Variants in PLCG1 observed in about 807,000 individuals in gnomAD.
PLCG1 encodes 1-phosphatidylinositol 4,5-bisphosphate phosphodiesterase gamma-1.
In PLCG1, 71 loss-of-function variants were observed where a neutral mutation model predicts 177.8. The ratio of observed to expected loss-of-function variants is 0.40; its 90% CI spans 0.33 to 0.49. The LOEUF is 0.49. PLCG1 is among the 20% of genes least tolerant of loss of function. The probability of loss-of-function intolerance (pLI) is 0.72; values close to 1 mark genes in which losing one functional copy is unlikely to be tolerated. For missense variants in PLCG1, 1,281 were observed against 1,709.0 expected, an observed-to-expected ratio of 0.75 and a Z score of 4.42; for synonymous variants, 658 against 647.9, an observed-to-expected ratio of 1.02 and a Z score of -0.24.
At position 41,175,741 on chromosome 20, in the gene PLCG1, T is replaced by C. The variant is rs1330212797; in HGVS notation, c.*1232T>C. 2 of 152,628 alleles carry C rather than the reference T, an allele frequency of 1.3e-5. No homozygotes were observed. The highest frequency in any genetic ancestry group is 4.8e-5 in the African/African-American group (2 of 41,454). The allele number at this position is 152,628 out of a possible 1,614,324, so 9.5% of individuals were successfully genotyped here. A position where few individuals can be genotyped will look rare whatever the true frequency, so the allele number is the denominator to read the frequency against. On this transcript the variant is annotated 3_prime_UTR_variant, in exon 32 of 32. Transcript: ENST00000685551. The stretch of plus-strand genomic sequence containing the variant: ...TTTTTCCTTTGACTTGTATGCTCTT[T>C]CGGGGGCTCAGGAAAGCCTGTTGCA...
At chr20:41,171,586 C>CAAAAA (rs71844995) in intron 24 of PLCG1, among the ~76,000 whole-genome samples, 13 of 64,090 alleles carry the variant, frequency 2.0e-4, no homozygotes, top group East Asian at 5.1e-4. Flanking sequence ...GACTCTGTCT[C>CAAAAA]AAAAAAAAAA....
In PLCG1 at chr20:41,160,970, C is replaced by G. The variant is rs927746444; in HGVS notation, c.512+817C>G. ...AAGTTTTCTGATGCCTATTAGCTGT[C>G]CAGGGAGAGATGTTGAGTAGGCAGG... On this transcript the variant is annotated intron_variant, in intron 4 of 31. Coordinates refer to ENST00000685551, the MANE Select transcript of PLCG1 (RefSeq NM_002660.3). The surrounding 1 kb of genome is among the most constrained non-coding windows in gnomAD (Gnocchi z 5.5). 9.9e-5 allele frequency among the ~76,000 whole-genome samples: 15 copies of G among 152,160 alleles called. No homozygotes were observed. Among genetic ancestry groups the G allele is most frequent in the Non-Finnish European group, 1.8e-4 (12 of 68,008 alleles).
Position 41,156,428 on chromosome 20 carries a change from G to T in PLCG1, c.218-3178G>T, listed in dbSNP as rs1454233581. ...GCTGCAGCCCTGATGGGCTGTGCTG[G>T]CTGGGCTTTGCCTTCTTGGGTCAAG... On this transcript the variant is annotated intron_variant, in intron 1 of 31. Coordinates refer to ENST00000685551, the MANE Select transcript of PLCG1 (RefSeq NM_002660.3). The surrounding 1 kb of genome is among the most constrained non-coding windows in gnomAD (Gnocchi z 5.0). 2.0e-5 allele frequency among the ~76,000 whole-genome samples: 3 copies of T among 152,194 alleles called. No homozygotes were observed. The highest frequency in any genetic ancestry group is 4.8e-5 in the African/African-American group (2 of 41,446).
rs1381807132 is a variant in PLCG1 at position 41,176,788 on chromosome 20, T to TTGA, written c.*2281_*2283dup. 2 of 151,488 alleles carry TTGA rather than the reference T, an allele frequency of 1.3e-5. No homozygotes were observed. The highest frequency in any genetic ancestry group is 4.8e-5 in the African/African-American group (2 of 41,334). The allele number at this position is 151,488 out of a possible 1,614,324, so 9.4% of individuals were successfully genotyped here. On this transcript the variant is annotated 3_prime_UTR_variant, in exon 32 of 32. Coordinates refer to ENST00000685551, the MANE Select transcript of PLCG1 (RefSeq NM_002660.3). ...AAGATTCCTCCAGACCTGACAAATG[T>TTGA]TGATTGACCCAGAAGGCAGAGTGTT...
rs2035081396 is a variant in PLCG1, at chr20:41,148,997, G to A, written c.218-10609G>A. Among the ~76,000 whole-genome samples the A allele has an allele frequency of 6.6e-6, 1 of 152,186 alleles. No individual in the cohort carries two copies. The highest frequency in any genetic ancestry group is 2.1e-4 in the South Asian group (1 of 4,834). On this transcript the variant is annotated intron_variant, in intron 1 of 31. Transcript: ENST00000685551. This position sits in a 1 kb window ranked among gnomAD's most constrained non-coding sequence, Gnocchi z 4.3. ...GGGACCCTAATACTTACTTCATAGTGTTATTTGCAAGTATAAAATATAAGG... is the reference window on the plus strand; with the variant it reads ...GGGACCCTAATACTTACTTCATAGTATTATTTGCAAGTATAAAATATAAGG...
intron 4 of PLCG1, among the ~76,000 whole-genome samples, chr20:41,161,557 C>G (rs1039177835): frequency 6.6e-6 from 1 of 152,138 alleles, no homozygotes; most frequent in African/African-American, 2.4e-5. Context: ...CCTGATAGCA[C>G]CTACCTCCTG....
chr20:41,169,212 T>G, intron 22 of PLCG1, 37 bp downstream of exon 22: 1 of 1,411,792 alleles, frequency 7.1e-7, no homozygotes, highest in Non-Finnish European at 1.0e-6. Context: ...GCATTCCCTA[T>G]TCCCAGATTC....
chr20:41,162,609 G>A lies in PLCG1; in HGVS notation c.598-33G>A, dbSNP rs41277000. On this transcript the variant is annotated intron_variant, in intron 5 of 31. Coordinates refer to ENST00000685551, the MANE Select transcript of PLCG1 (RefSeq NM_002660.3). ...GAGCCCTTCAGCTGGGGGCCTGACTGCCTGACTGGCACTCCTGCTCTATAC... is the reference window on the plus strand; with the variant it reads ...GAGCCCTTCAGCTGGGGGCCTGACTACCTGACTGGCACTCCTGCTCTATAC... 5,646 of 1,609,688 alleles carry A rather than the reference G, an allele frequency of 3.5e-3. 22 individuals carry two copies. The highest frequency in any genetic ancestry group is 7.3e-3 in the South Asian group (660 of 90,922).
At chr20:41,139,802 G>A (rs1005051876) in intron 1 of PLCG1, among the ~76,000 whole-genome samples, 1 of 152,192 alleles carries the variant, frequency 6.6e-6, no homozygotes, top group Non-Finnish European at 1.5e-5. Flanking sequence ...GGTGCAGGAA[G>A]GGAGGAGGAC....
intron 24 of PLCG1, 30 bp downstream of exon 24, chr20:41,170,299 C>T (rs1366359156): frequency 6.2e-7 from 1 of 1,613,208 alleles, no homozygotes; most frequent in Admixed American, 1.7e-5. Context: ...TTCTGGGGGG[C>T]AGTGTGTGGG....
At chr20:41,171,142 G>T in intron 24 of PLCG1, among the ~76,000 whole-genome samples, 1 of 152,218 alleles carries the variant, frequency 6.6e-6, no homozygotes, top group East Asian at 1.9e-4. Flanking sequence ...AGATGGGTCT[G>T]TAGCTGCTTT....
rs1361472377 is a variant in PLCG1 at position 41,164,337 on chromosome 20, C to T, written c.1217+136C>T. On this transcript the variant is annotated intron_variant, in intron 12 of 31. Transcript: ENST00000685551. This position sits in a 1 kb window ranked among gnomAD's most constrained non-coding sequence, Gnocchi z 6.4. ...TTTCATCTTTGTCCTTCCTCTTGGC[C>T]TCTCCTCGTCACCTGCTCCCTGCTT... 1 of 847,554 alleles carries T rather than the reference C, an allele frequency of 1.2e-6. No homozygotes were observed. Among genetic ancestry groups the T allele is most frequent in the Non-Finnish European group, 1.9e-6 (1 of 540,214 alleles). The allele number at this position is 847,554 out of a possible 1,614,324, so 52.5% of individuals were successfully genotyped here. A position where few individuals can be genotyped will look rare whatever the true frequency, so the allele number is the denominator to read the frequency against.
rs2035476835 is a variant in PLCG1, at chr20:41,160,997, G to A, written c.512+844G>A. Among the ~76,000 whole-genome samples the A allele has an allele frequency of 6.6e-6, 1 of 152,166 alleles. No homozygotes were observed. Among genetic ancestry groups the A allele is most frequent in the Non-Finnish European group, 1.5e-5 (1 of 68,028 alleles). On this transcript the variant is annotated intron_variant, in intron 4 of 31. Transcript: ENST00000685551. The surrounding 1 kb of genome is among the most constrained non-coding windows in gnomAD (Gnocchi z 5.5). ...AGGGAGAGATGTTGAGTAGGCAGGT[G>A]GTTAGAGTGAGTTTAGGTACATACA...
At chr20:41,152,981 G>A (rs1483796021) in intron 1 of PLCG1, among the ~76,000 whole-genome samples, 1 of 152,196 alleles carries the variant, frequency 6.6e-6, no homozygotes, top group Admixed American at 6.5e-5. Context: ...GAGGAGGGCT[G>A]GGCTTTCCCT....
chr20:41,141,731 C>T (rs548518342), intron 1 of PLCG1, among the ~76,000 whole-genome samples: 25 of 152,332 alleles, frequency 1.6e-4, no homozygotes, highest in Middle Eastern at 3.4e-3. Context: ...AGGCTTGCCC[C>T]GATGTGTGGG....
At position 41,165,560 on chromosome 20, in the gene PLCG1, C is replaced by T; in HGVS notation, c.1611+9C>T. The T allele has an allele frequency of 6.2e-7, 1 of 1,612,680 alleles. No individual in the cohort carries two copies. Among genetic ancestry groups the T allele is most frequent in the Non-Finnish European group, 8.5e-7 (1 of 1,178,674 alleles). ...AGGAGGAGCCCAAGGAGGTGAGGAA[C>T]CAGCTCAGGTCTGGGGGCTGGGCCA... is the stretch of plus-strand genomic sequence containing the variant. On this transcript the variant is annotated intron_variant, in intron 15 of 31. Coordinates refer to ENST00000685551, the MANE Select transcript of PLCG1 (RefSeq NM_002660.3). The surrounding 1 kb of genome is among the most constrained non-coding windows in gnomAD (Gnocchi z 6.6).
rs967488190 is a variant in PLCG1, at chr20:41,172,686, TG to T, written c.3131-39del. The T allele has an allele frequency of 1.2e-6, 2 of 1,612,602 alleles. No homozygotes were observed. The highest frequency in any genetic ancestry group is 1.7e-6 in the Non-Finnish European group (2 of 1,179,080). On this transcript the variant is annotated intron_variant, in intron 26 of 31. Coordinates refer to ENST00000685551, the MANE Select transcript of PLCG1 (RefSeq NM_002660.3). The surrounding 1 kb of genome is among the most constrained non-coding windows in gnomAD (Gnocchi z 7.0). Reference sequence around the variant, plus strand: ...GTGAGGAGGGTGAGGAGGGGCACTGTGGGGCAGCTGGACTGGAATACACCAT... The same window carrying T: ...GTGAGGAGGGTGAGGAGGGGCACTGTGGGCAGCTGGACTGGAATACACCAT...
At chr20:41,155,582 C>T (rs1037434369) in intron 1 of PLCG1, among the ~76,000 whole-genome samples, 1 of 152,144 alleles carries the variant, frequency 6.6e-6, no homozygotes, top group Non-Finnish European at 1.5e-5. Flanking sequence ...ATACAATGCC[C>T]CCATCCCTGC....
chr20:41,162,809 C>T, intron 6 of PLCG1, 84 bp downstream of exon 6: 1 of 1,391,532 alleles, frequency 7.2e-7, no homozygotes, highest in Non-Finnish European at 1.0e-6. Flanking sequence ...AGCCCTGCTG[C>T]CCTGCTTAGG....
Sources: allele counts gnomAD v4.1 joint callset (sites outside exome capture counted in the v4.1 genomes callset), GRCh38; gene constraint gnomAD v4.1.1; non-coding constraint Gnocchi (gnomAD v3.1); transcripts MANE v1.5; gene names NCBI Gene and HGNC (gene_info 2026-07-23, HGNC 2026-07-21).